Variants in RAB3GAP1 observed in about 807,000 individuals in gnomAD.
RAB3GAP1 encodes rab3 GTPase-activating protein catalytic subunit.
A neutral mutation model predicts 130.7 loss-of-function variants in RAB3GAP1; 86 were observed. That is an observed-to-expected ratio of 0.66 (90% CI 0.55 to 0.79). The LOEUF is 0.79. Among genes scored for constraint, RAB3GAP1 ranks in the 30% least tolerant of loss-of-function variants. The pLI, the probability that RAB3GAP1 is intolerant of heterozygous loss-of-function variation, is 0.00. For missense variants in RAB3GAP1, 1,029 were observed against 1,169.4 expected (o/e 0.88, Z 1.75); for synonymous variants, 367 against 401.7 (o/e 0.91, Z 1.03).
intron 22 of RAB3GAP1, among the ~76,000 whole-genome samples, chr2:135,164,001 T>C (rs1264090155): frequency 6.6e-6 from 1 of 152,234 alleles, no homozygotes; most frequent in East Asian, 1.9e-4. Context: ...TAGTAGAGTA[T>C]GAATTAGTGA....
intron 11 of RAB3GAP1, among the ~76,000 whole-genome samples, chr2:135,127,567 C>T (rs1168089665): frequency 6.6e-6 from 1 of 151,994 alleles, no homozygotes; most frequent in Non-Finnish European, 1.5e-5. Context: ...TGGTCTCGAT[C>T]TCCTGACCTC....
rs914569787 is a variant in RAB3GAP1, at chr2:135,139,265, G to T, written c.1923+3333G>T. 3.9e-5 allele frequency among the ~76,000 whole-genome samples: 6 copies of T among 152,090 alleles called. 1 individual carries two copies. The South Asian group carries it at 1.2e-3, about 32-fold the overall frequency. On this transcript the variant is annotated intron_variant, in intron 17 of 23. Transcript: ENST00000264158. ...AATAAAGTGTACAGATCTTGGCTGG[G>T]CATGGTAGCTCATGCCTGTAATCCC...
intron 5 of RAB3GAP1, among the ~76,000 whole-genome samples, chr2:135,100,741 T>G (rs1421402660): frequency 6.6e-6 from 1 of 152,188 alleles, no homozygotes; most frequent in African/African-American, 2.4e-5. Context: ...TACAGAAATA[T>G]CAAGAATAAA....
At chr2:135,108,961 T>A (rs896618477) in intron 5 of RAB3GAP1, among the ~76,000 whole-genome samples, 1 of 152,194 alleles carries the variant, frequency 6.6e-6, no homozygotes, top group Admixed American at 6.5e-5. Flanking sequence ...ATTGCCTCTG[T>A]TCCTTTTCAG....
At chr2:135,092,395 A>C (rs1690167214) in intron 4 of RAB3GAP1, among the ~76,000 whole-genome samples, 1 of 152,208 alleles carries the variant, frequency 6.6e-6, no homozygotes, top group Non-Finnish European at 1.5e-5. Context: ...TCTGAGATAA[A>C]TAGATAAAGG....
intron 4 of RAB3GAP1, 47 bp downstream of exon 4, chr2:135,091,177 G>A: frequency 6.7e-7 from 1 of 1,493,106 alleles, no homozygotes. Context: ...TTGTAGGAGT[G>A]GCTGTAATTT....
At chr2:135,085,609 G>A (rs1689949760) in intron 3 of RAB3GAP1, among the ~76,000 whole-genome samples, 1 of 152,104 alleles carries the variant, frequency 6.6e-6, no homozygotes, top group Non-Finnish European at 1.5e-5. Context: ...TGGAAAGGAT[G>A]GTTGGTGCCA....
intron 3 of RAB3GAP1, among the ~76,000 whole-genome samples, chr2:135,079,783 A>G (rs1689734958): frequency 6.6e-6 from 1 of 152,194 alleles, no homozygotes; most frequent in African/African-American, 2.4e-5. Context: ...TTTACCACTT[A>G]ATAGTTTGGT....
chr2:135,085,269 A>G (rs1689940230), intron 3 of RAB3GAP1, among the ~76,000 whole-genome samples: 1 of 152,234 alleles, frequency 6.6e-6, no homozygotes. Flanking sequence ...TAAAATTTTT[A>G]TACAATATGT....
chr2:135,071,057 A>G (rs1456124221), intron 3 of RAB3GAP1, among the ~76,000 whole-genome samples: 2 of 152,252 alleles, frequency 1.3e-5, no homozygotes, highest in Non-Finnish European at 2.9e-5. Flanking sequence ...CTTTTGGGAC[A>G]GCTTGTATGA....
intron 7 of RAB3GAP1, among the ~76,000 whole-genome samples, chr2:135,119,741 T>G (rs1462705446): frequency 6.6e-6 from 1 of 152,212 alleles, no homozygotes; most frequent in Non-Finnish European, 1.5e-5. Context: ...ATGTATTCCT[T>G]TGCTACTCAA....
In RAB3GAP1 at chr2:135,153,880, A is replaced by G; in HGVS notation, c.2289+4A>G. 6.2e-7 allele frequency: 1 copy of G among 1,612,012 alleles called. No homozygotes were observed. Among genetic ancestry groups the G allele is most frequent in the East Asian group, 2.2e-5 (1 of 44,854 alleles). ...TGATACACGGGAAGCAGAAAAGGTA[A>G]TTGAGGTTTGAGTCTCTAATACTAG... On this transcript the variant is annotated splice_donor_region_variant and intron_variant, in intron 19 of 23. Transcript: ENST00000264158.
chr2:135,114,099 A>G (rs1690899566), intron 6 of RAB3GAP1, among the ~76,000 whole-genome samples: 1 of 152,150 alleles, frequency 6.6e-6, no homozygotes, highest in Non-Finnish European at 1.5e-5. Flanking sequence ...TCTTTTAACA[A>G]TATATCTGCA....
intron 5 of RAB3GAP1, among the ~76,000 whole-genome samples, chr2:135,108,970 A>G (rs1690711564): frequency 6.6e-6 from 1 of 152,128 alleles, no homozygotes; most frequent in Non-Finnish European, 1.5e-5. Flanking sequence ...GTTCCTTTTC[A>G]GAGATTAGTT....
intron 3 of RAB3GAP1, among the ~76,000 whole-genome samples, chr2:135,068,436 A>G (rs1689381903): frequency 1.3e-5 from 2 of 151,906 alleles, no homozygotes; most frequent in Admixed American, 1.3e-4. Flanking sequence ...TAAAGGAAGT[A>G]GACTATAAAA....
intron 3 of RAB3GAP1, among the ~76,000 whole-genome samples, chr2:135,069,907 G>GGAATGGGA (rs1171823956): frequency 6.6e-6 from 1 of 152,104 alleles, no homozygotes; most frequent in Non-Finnish European, 1.5e-5. Context: ...TTTTATCTGA[G>GGAATGGGA]GAATGGGAGC....
chr2:135,052,858 A>G (rs1468244735), intron 2 of RAB3GAP1, among the ~76,000 whole-genome samples: 1 of 152,238 alleles, frequency 6.6e-6, no homozygotes, highest in African/African-American at 2.4e-5. Flanking sequence ...CGTAAGCAGT[A>G]AACTTGGTAG....
chr2:135,080,512 G>T (rs537045611), intron 3 of RAB3GAP1, among the ~76,000 whole-genome samples: 1 of 152,208 alleles, frequency 6.6e-6, no homozygotes, highest in African/African-American at 2.4e-5. Context: ...GTGCCTATTA[G>T]ATCTGAGTGC....
chr2:135,096,587 T>C (rs1343010180), intron 5 of RAB3GAP1, among the ~76,000 whole-genome samples: 1 of 152,232 alleles, frequency 6.6e-6, no homozygotes, highest in Non-Finnish European at 1.5e-5. Flanking sequence ...ACTAAATTTA[T>C]CAGAAGGCAG....
Sources: gnomAD v4.1 joint callset for allele counts (sites outside exome capture counted in the v4.1 genomes callset) on GRCh38, gnomAD v4.1.1 for gene constraint, MANE v1.5 for transcripts, NCBI Gene and HGNC (gene_info 2026-07-23, HGNC 2026-07-21) for gene names.